The following PUM2 variants were observed in gnomAD, a reference collection of about 807,000 sequenced individuals.
PUM2 encodes pumilio homolog 2.
Under a neutral mutation model 124.5 loss-of-function variants are expected in PUM2, and 57 were observed. The ratio of observed to expected loss-of-function variants is 0.46; its 90% CI spans 0.37 to 0.57. The LOEUF is 0.57. Among genes scored for constraint, PUM2 ranks in the 20% least tolerant of loss-of-function variants. The pLI, the probability that PUM2 is intolerant of heterozygous loss-of-function variation, is 0.00. For missense variants in PUM2, 1,065 were observed against 1,290.6 expected, an observed-to-expected ratio of 0.83 and a Z score of 2.68; for synonymous variants, 460 against 446.1, an observed-to-expected ratio of 1.03 and a Z score of -0.39.
chr2:20,343,883 T>C (rs1336532635), intron 1 of PUM2, among the ~76,000 whole-genome samples: 1 of 151,672 alleles, frequency 6.6e-6, no homozygotes, highest in African/African-American at 2.4e-5. Flanking sequence ...GAGCAGTGAC[T>C]GCACCACTGC....
intron 1 of PUM2, among the ~76,000 whole-genome samples, chr2:20,342,063 T>G (rs1687324478): frequency 7.0e-6 from 1 of 142,906 alleles, no homozygotes; most frequent in Non-Finnish European, 1.5e-5. Context: ...CAGGAGGTGG[T>G]GGTTGCATGG....
intron 1 of PUM2, among the ~76,000 whole-genome samples, chr2:20,336,435 G>A (rs1686039097): frequency 6.6e-6 from 1 of 151,474 alleles, no homozygotes; most frequent in Admixed American, 6.6e-5. Context: ...TCTGCACCTT[G>A]CCTTGGCCTC....
intron 15 of PUM2, among the ~76,000 whole-genome samples, chr2:20,259,222 A>T (rs1180267325): frequency 6.6e-6 from 1 of 152,260 alleles, no homozygotes; most frequent in Non-Finnish European, 1.5e-5. Context: ...TATATTTTCA[A>T]ATATGAATCA....
intron 2 of PUM2, among the ~76,000 whole-genome samples, chr2:20,325,624 CTTT>C (rs372989412): frequency 7.8e-5 from 11 of 141,666 alleles, no homozygotes; most frequent in African/African-American, 2.3e-4. Flanking sequence ...CTCTCTTGTT[CTTT>C]TTTTTTTTTT....
At chr2:20,321,326 C>T (rs958982459) in intron 2 of PUM2, among the ~76,000 whole-genome samples, 2 of 152,052 alleles carry the variant, frequency 1.3e-5, no homozygotes, top group African/African-American at 4.8e-5. Context: ...AAATTGTTTA[C>T]CTGGGCTGGG....
intron 1 of PUM2, among the ~76,000 whole-genome samples, chr2:20,349,826 C>T (rs941898555): frequency 2.6e-5 from 4 of 152,156 alleles, no homozygotes; most frequent in African/African-American, 9.7e-5. Flanking sequence ...AATATGCTGG[C>T]AATACATTCC....
chr2:20,315,431 A>G (rs1342615174), intron 3 of PUM2, among the ~76,000 whole-genome samples: 1 of 152,122 alleles, frequency 6.6e-6, no homozygotes, highest in Non-Finnish European at 1.5e-5. Flanking sequence ...GCATATTTTT[A>G]TGTGTCTGGC....
intron 1 of PUM2, among the ~76,000 whole-genome samples, chr2:20,348,223 G>A (rs1389763183): frequency 6.6e-6 from 1 of 151,868 alleles, no homozygotes; most frequent in Non-Finnish European, 1.5e-5. Context: ...ATATGCCACA[G>A]ACCAATTTAC....
chr2:20,258,644 C>T (rs1665407550), intron 15 of PUM2, among the ~76,000 whole-genome samples: 2 of 147,292 alleles, frequency 1.4e-5, no homozygotes, highest in African/African-American at 2.5e-5. Context: ...TTACAAAACC[C>T]TTCATCTTTT....
intron 13 of PUM2, among the ~76,000 whole-genome samples, chr2:20,269,535 T>C (rs781276139): frequency 3.9e-5 from 6 of 152,100 alleles, no homozygotes; most frequent in Non-Finnish European, 7.3e-5. Context: ...AACAATTTTA[T>C]TGGAGGAAAG....
At chr2:20,341,189 C>T (rs563875974) in intron 1 of PUM2, among the ~76,000 whole-genome samples, 2 of 151,888 alleles carry the variant, frequency 1.3e-5, no homozygotes, top group East Asian at 1.9e-4. Context: ...CTCCCTGCCC[C>T]GCAAAAAAAG....
chr2:20,297,734 A>C, intron 7 of PUM2, 56 bp from the exon 8 acceptor site: 2 of 1,512,640 alleles, frequency 1.3e-6, no homozygotes, highest in Non-Finnish European at 1.8e-6. Flanking sequence ...GATTTTTTTC[A>C]TTAGATAAAA....
intron 7 of PUM2, among the ~76,000 whole-genome samples, chr2:20,302,974 T>C (rs1431545744): frequency 2.0e-5 from 3 of 152,286 alleles, no homozygotes; most frequent in Admixed American, 2.0e-4. Context: ...ATGCGACCCA[T>C]CAGGTGGCAT....
chr2:20,339,588 A>G (rs955077487), intron 1 of PUM2, among the ~76,000 whole-genome samples: 2 of 152,184 alleles, frequency 1.3e-5, no homozygotes, highest in Non-Finnish European at 2.9e-5. Flanking sequence ...TAAAAGAAAA[A>G]AGAAAAGCAG....
At chr2:20,347,633 G>A (rs1688503648) in intron 1 of PUM2, among the ~76,000 whole-genome samples, 1 of 152,166 alleles carries the variant, frequency 6.6e-6, no homozygotes. Context: ...AGGGTTTGAG[G>A]AAACCTTTTT....
chr2:20,256,319 C>T (rs1664745249), intron 16 of PUM2, 149 bp from the exon 17 acceptor site: 6 of 753,392 alleles, frequency 8.0e-6, no homozygotes. Flanking sequence ...CAAATATATT[C>T]ACAAATATTA....
Position 20,283,392 on chromosome 2 carries a change from C to G in PUM2, c.1386G>C (p.Arg462=). Residue 462 remains arginine, a synonymous_variant, in exon 11 of 21, where the codon CGG becomes CGC. Coordinates refer to ENST00000361078, the MANE Select transcript of PUM2 (RefSeq NM_015317.5). ...GARTGLGAPV[R]LMAPTPVLIS... ...TTAAAACAGGTGTTGGAGCCATTAA[C>G]CGAACTGGAGCTCCAAGGCCAGTCC... is the stretch of plus-strand genomic sequence containing the variant. 1.2e-6 allele frequency: 2 copies of G among 1,614,092 alleles called. No homozygotes were observed. The highest frequency in any genetic ancestry group is 1.7e-6 in the Non-Finnish European group (2 of 1,180,016).
intron 7 of PUM2, among the ~76,000 whole-genome samples, chr2:20,303,302 G>C (rs975406817): frequency 1.3e-5 from 2 of 152,010 alleles, no homozygotes; most frequent in Admixed American, 6.6e-5. Context: ...TTAATTTTCT[G>C]GTTTTTCTGG....
At chr2:20,337,756 C>A (rs538639807) in intron 1 of PUM2, among the ~76,000 whole-genome samples, 2 of 152,226 alleles carry the variant, frequency 1.3e-5, no homozygotes, top group South Asian at 4.1e-4. Flanking sequence ...TTTTGACTAG[C>A]GTATGAAAAA....
Sources: allele counts gnomAD v4.1 joint callset (sites outside exome capture counted in the v4.1 genomes callset), GRCh38; gene constraint gnomAD v4.1.1; transcripts MANE v1.5; gene names NCBI Gene and HGNC (gene_info 2026-07-23, HGNC 2026-07-21).